RASAL2: variants seen among roughly 807,000 people sequenced by gnomAD.
RASAL2 encodes the protein ras GTPase-activating protein nGAP.
Under a neutral mutation model 128.9 loss-of-function variants are expected in RASAL2, and 58 were observed. The ratio of observed to expected loss-of-function variants is 0.45; its 90% CI spans 0.36 to 0.56. RASAL2 has a LOEUF of 0.56. Ranked by LOEUF, RASAL2 falls within the 20% of genes least tolerant of loss-of-function variation. The pLI is 0.00. For missense variants in RASAL2, 1,360 were observed against 1,601.6 expected (o/e 0.85, Z 2.57); for synonymous variants, 561 against 580.8 (o/e 0.97, Z 0.49).
rs938478428 is a variant in RASAL2 at position 178,472,457 on chromosome 1, C to T, written c.3679-618C>T. ...TATGTTGATGGCATTCCCTTTTCGGCACATCTCCCTCCCCATATTCAAGTA... is the reference window on the plus strand; with the variant it reads ...TATGTTGATGGCATTCCCTTTTCGGTACATCTCCCTCCCCATATTCAAGTA... On this transcript the variant is annotated intron_variant, in intron 17 of 17. Coordinates refer to ENST00000367649, the MANE Select transcript of RASAL2 (RefSeq NM_170692.4). Among the ~76,000 whole-genome samples the T allele has an allele frequency of 2.6e-4, 40 of 152,172 alleles. 1 individual carries two copies. Among genetic ancestry groups the T allele is most frequent in the African/African-American group, 8.7e-4 (36 of 41,434 alleles).
chr1:178,111,469 C>T (rs887324660), intron 1 of RASAL2, among the ~76,000 whole-genome samples: 3 of 152,178 alleles, frequency 2.0e-5, no homozygotes, highest in African/African-American at 7.2e-5. Context: ...CGTTTTCCCA[C>T]TAGCAGTGTG....
chr1:178,365,409 G>A (rs1671343739), intron 3 of RASAL2, among the ~76,000 whole-genome samples: 1 of 151,750 alleles, frequency 6.6e-6, no homozygotes, highest in Non-Finnish European at 1.5e-5. Context: ...ATGCAATCAT[G>A]GTATCTATCC....
chr1:178,164,820 CGTTT>C (rs1558090410), intron 1 of RASAL2, among the ~76,000 whole-genome samples: 2 of 95,288 alleles, frequency 2.1e-5, no homozygotes, highest in Non-Finnish European at 4.2e-5. Flanking sequence ...GTTCATCAAA[CGTTT>C]GTGTGTGTGT....
rs1057227310 is a variant in RASAL2, at chr1:178,112,806, G to A, written c.202+18112G>A. On this transcript the variant is annotated intron_variant, in intron 1 of 17. Coordinates refer to ENST00000367649, the MANE Select transcript of RASAL2 (RefSeq NM_170692.4). ...GATAGCTTTGGGAGATATACCTAATGCTAGATGACGAGTTAGTGGGTGCAG... is the reference window on the plus strand; with the variant it reads ...GATAGCTTTGGGAGATATACCTAATACTAGATGACGAGTTAGTGGGTGCAG... Among the ~76,000 whole-genome samples the A allele has an allele frequency of 2.7e-5, 4 of 150,328 alleles. No homozygotes were observed. In the East Asian group the frequency reaches 7.9e-4, roughly 30 times the overall value.
intron 1 of RASAL2, among the ~76,000 whole-genome samples, chr1:178,112,571 C>A (rs1015696054): frequency 6.6e-6 from 1 of 151,736 alleles, no homozygotes; most frequent in African/African-American, 2.4e-5. Context: ...AAAAAGAAAT[C>A]ATGAAAAATG....
chr1:178,336,251 T>G (rs1669581214), intron 3 of RASAL2, among the ~76,000 whole-genome samples: 1 of 152,060 alleles, frequency 6.6e-6, no homozygotes, highest in Non-Finnish European at 1.5e-5. Context: ...GTGCTTCAGT[T>G]AGTTGTAAGG....
At chr1:178,253,355 G>T (rs1355876750) in intron 1 of RASAL2, among the ~76,000 whole-genome samples, 2 of 152,098 alleles carry the variant, frequency 1.3e-5, no homozygotes, top group Non-Finnish European at 2.9e-5. Context: ...TTCAAATAGG[G>T]TCACAATCGC....
chr1:178,145,252 A>T (rs1660684744), intron 1 of RASAL2, among the ~76,000 whole-genome samples: 1 of 152,170 alleles, frequency 6.6e-6, no homozygotes, highest in Non-Finnish European at 1.5e-5. Context: ...TTGGGACTGT[A>T]AAATCTTCAA....
At chr1:178,360,296 C>G (rs780224298) in intron 3 of RASAL2, among the ~76,000 whole-genome samples, 2 of 152,184 alleles carry the variant, frequency 1.3e-5, no homozygotes, top group African/African-American at 2.4e-5. Context: ...GTGTTCTGGT[C>G]TGATGCCACA....
chr1:178,203,022 G>T (rs1189570655), intron 1 of RASAL2, among the ~76,000 whole-genome samples: 1 of 152,160 alleles, frequency 6.6e-6, no homozygotes, highest in Non-Finnish European at 1.5e-5. Context: ...CATTCCTCTG[G>T]GTGATCAGCC....
intron 4 of RASAL2, among the ~76,000 whole-genome samples, chr1:178,403,756 C>T (rs2102668861): frequency 6.6e-6 from 1 of 152,034 alleles, no homozygotes; most frequent in South Asian, 2.1e-4. Context: ...AACCTTAATG[C>T]AGGGAAAAAC....
At chr1:178,345,240 C>G (rs1028063423) in intron 3 of RASAL2, among the ~76,000 whole-genome samples, 2 of 152,136 alleles carry the variant, frequency 1.3e-5, no homozygotes, top group Admixed American at 1.3e-4. Flanking sequence ...AAATGAGTTG[C>G]TGAAAAACAC....
chr1:178,438,102 T>TGTG (rs1676370641), intron 5 of RASAL2, among the ~76,000 whole-genome samples: 3 of 142,154 alleles, frequency 2.1e-5, no homozygotes, highest in Non-Finnish European at 3.1e-5. Context: ...AAATGGTGGC[T>TGTG]TGTGTGTGTG....
chr1:178,456,523 GCCT>G, intron 12 of RASAL2, 195 bp from the exon 13 acceptor site: 1 of 662,428 alleles, frequency 1.5e-6, no homozygotes, highest in East Asian at 2.5e-5. Context: ...ACCTTGTTTC[GCCT>G]CCTCCATTCA....
At chr1:178,183,505 C>T (rs969367535) in intron 1 of RASAL2, among the ~76,000 whole-genome samples, 3 of 152,184 alleles carry the variant, frequency 2.0e-5, no homozygotes, top group Non-Finnish European at 4.4e-5. Context: ...CGACCCACTC[C>T]CTTCTTTTGG....
intron 1 of RASAL2, among the ~76,000 whole-genome samples, chr1:178,247,321 C>G (rs1664810938): frequency 6.8e-6 from 1 of 146,686 alleles, no homozygotes; most frequent in African/African-American, 2.6e-5. Context: ...AGGAATTTAT[C>G]CATTTCTTCT....
chr1:178,388,786 C>T (rs1672729651), intron 3 of RASAL2, among the ~76,000 whole-genome samples: 1 of 152,164 alleles, frequency 6.6e-6, no homozygotes, highest in Admixed American at 6.5e-5. Context: ...ATATACATTT[C>T]AGTAAATGTT....
intron 14 of RASAL2, among the ~76,000 whole-genome samples, chr1:178,461,501 G>A (rs903417588): frequency 2.6e-5 from 4 of 151,962 alleles, no homozygotes; most frequent in African/African-American, 9.7e-5. Flanking sequence ...GCCTCTGTTT[G>A]TATTGCTTTT....
chr1:178,134,789 C>T (rs546621358), intron 1 of RASAL2, among the ~76,000 whole-genome samples: 1 of 152,276 alleles, frequency 6.6e-6, no homozygotes, highest in South Asian at 2.1e-4. Context: ...TTTACCAGTA[C>T]ATCCTGAAGA....
Sources: allele counts gnomAD v4.1 joint callset (sites outside exome capture counted in the v4.1 genomes callset), GRCh38; gene constraint gnomAD v4.1.1; transcripts MANE v1.5; gene names NCBI Gene and HGNC (gene_info 2026-07-23, HGNC 2026-07-21).